MARK2: variants seen among roughly 807,000 people sequenced by gnomAD.
MARK2 encodes serine/threonine-protein kinase MARK2.
Under a neutral mutation model 89.8 loss-of-function variants are expected in MARK2, and 16 were observed. The observed-to-expected ratio is 0.18, with a 90% CI of 0.12 to 0.27. The LOEUF (loss-of-function observed/expected upper bound fraction) is 0.27, where lower values mean the gene tolerates loss of function less well. Ranked by LOEUF, MARK2 falls within the 10% of genes least tolerant of loss-of-function variation. MARK2 has a pLI of 1.00. For missense variants in MARK2, 621 were observed against 1,049.9 expected, an observed-to-expected ratio of 0.59 and a Z score of 5.65; for synonymous variants, 382 against 399.5, an observed-to-expected ratio of 0.96 and a Z score of 0.52.
chr11:63,850,608 A>G (rs1260108241), intron 1 of MARK2, among the ~76,000 whole-genome samples: 1 of 152,114 alleles, frequency 6.6e-6, no homozygotes, highest in Non-Finnish European at 1.5e-5. Context: ...AAAAAAAAAC[A>G]CCACCCACTG....
At chr11:63,851,697 G>T (rs983531855) in intron 1 of MARK2, among the ~76,000 whole-genome samples, 5 of 152,038 alleles carry the variant, frequency 3.3e-5, no homozygotes, top group African/African-American at 9.7e-5. Context: ...TAGAATCCCA[G>T]ACCACCTGGT....
In MARK2 at chr11:63,909,273, A is replaced by G. The variant is rs748690423; in HGVS notation, c.*36A>G. ...GGAGCGGGGGCGGCGGGGGCGGGCC[A>G]GCTGGACGGGCTGCCGGCCGCTGCG... On this transcript the variant is annotated 3_prime_UTR_variant, in exon 19 of 19. Transcript: ENST00000402010. 6.5e-7 allele frequency: 1 copy of G among 1,533,132 alleles called. No homozygotes were observed. The highest frequency in any genetic ancestry group is 2.0e-4 in the Middle Eastern group (1 of 5,092). 95.0% of individuals were successfully genotyped at this position (1,533,132 alleles called of 1,614,324 possible). A position where few individuals can be genotyped will look rare whatever the true frequency, so the allele number is the denominator to read the frequency against.
At chr11:63,884,584 C>T (rs915868058) in intron 1 of MARK2, among the ~76,000 whole-genome samples, 1 of 152,228 alleles carries the variant, frequency 6.6e-6, no homozygotes, top group African/African-American at 2.4e-5. Flanking sequence ...GAGGCTCTTA[C>T]CCTGGCTGGA....
At chr11:63,876,769 T>A (rs372112664) in intron 1 of MARK2, among the ~76,000 whole-genome samples, 1 of 152,230 alleles carries the variant, frequency 6.6e-6, no homozygotes, top group Non-Finnish European at 1.5e-5. Flanking sequence ...CAGACTTGGC[T>A]GCTTGCCTCC....
intron 1 of MARK2, among the ~76,000 whole-genome samples, chr11:63,862,174 C>G (rs1937842472): frequency 6.6e-6 from 1 of 152,074 alleles, no homozygotes; most frequent in Non-Finnish European, 1.5e-5. Context: ...ATCCACCCAT[C>G]TCAGCTTCCC....
intron 3 of MARK2, among the ~76,000 whole-genome samples, chr11:63,896,074 C>T (rs1019592963): frequency 1.3e-5 from 2 of 152,162 alleles, no homozygotes; most frequent in South Asian, 4.1e-4. Context: ...TTTCGCTCAC[C>T]GTCCCCCAAC....
chr11:63,886,515 C>G (rs564583016), intron 1 of MARK2, among the ~76,000 whole-genome samples: 1 of 152,116 alleles, frequency 6.6e-6, no homozygotes, highest in Non-Finnish European at 1.5e-5. Flanking sequence ...ACCTCCACCT[C>G]CCAGGCTCAA....
intron 1 of MARK2, among the ~76,000 whole-genome samples, chr11:63,843,070 G>A (rs542073416): frequency 6.6e-6 from 1 of 152,206 alleles, no homozygotes. Flanking sequence ...GATTCCAGAT[G>A]TGCTTTTTCA....
At chr11:63,866,438 G>A (rs1450082577) in intron 1 of MARK2, among the ~76,000 whole-genome samples, 2 of 151,674 alleles carry the variant, frequency 1.3e-5, no homozygotes, top group Admixed American at 1.3e-4. Context: ...ACAGCCGATA[G>A]GGCAGGCTGC....
At chr11:63,880,055 A>G (rs1296302965) in intron 1 of MARK2, 1 of 151,996 alleles carries the variant, frequency 6.6e-6, no homozygotes. Flanking sequence ...AGGAAACAAC[A>G]TTGGAAAGGG....
At chr11:63,879,920 T>C (rs1590615058) in intron 1 of MARK2, among the ~76,000 whole-genome samples, 1 of 152,260 alleles carries the variant, frequency 6.6e-6, no homozygotes, top group Non-Finnish European at 1.5e-5. Context: ...CAGAGAAAGA[T>C]GCAGCAGGAA....
At chr11:63,866,829 A>G (rs1042101014) in intron 1 of MARK2, among the ~76,000 whole-genome samples, 3 of 152,170 alleles carry the variant, frequency 2.0e-5, no homozygotes, top group African/African-American at 7.2e-5. Context: ...TCTTTTTCCT[A>G]ACAGAAGACT....
chr11:63,847,945 G>C (rs914541597), intron 1 of MARK2, among the ~76,000 whole-genome samples: 2 of 151,936 alleles, frequency 1.3e-5, no homozygotes, highest in African/African-American at 4.8e-5. Context: ...GCCTTTTTTC[G>C]TCCACGCAAT....
rs1939626513 is a variant in MARK2 at position 63,889,229 on chromosome 11, A to T, written c.55-5930A>T. The stretch of plus-strand genomic sequence containing the variant: ...GGGAGGCAGAGGCCTGAGGCCTCAG[A>T]GAGGATGCTCCCGTGCTACAGTGAG... On this transcript the variant is annotated intron_variant, in intron 1 of 18. Coordinates refer to ENST00000402010, the MANE Select transcript of MARK2 (RefSeq NM_001039469.3). Among the ~76,000 whole-genome samples, 3 of 152,150 alleles carry T rather than the reference A, an allele frequency of 2.0e-5. 1 individual carries two copies. The South Asian group carries it at 6.2e-4, about 32-fold the overall frequency.
At chr11:63,866,404 G>T (rs1409576014) in intron 1 of MARK2, among the ~76,000 whole-genome samples, 1 of 150,436 alleles carries the variant, frequency 6.6e-6, no homozygotes, top group East Asian at 1.9e-4. Context: ...TGCCTTTCTT[G>T]AAACCACAGA....
chr11:63,888,496 AGGGGGAGGGG>A, intron 1 of MARK2: 1 of 868,424 alleles, frequency 1.2e-6, no homozygotes, highest in Non-Finnish European at 1.3e-6. Context: ...GGAGGGGGGG[AGGGGGAGGGG>A]AGAAGGAAGT....
At chr11:63,862,836 A>G (rs1312773410) in intron 1 of MARK2, among the ~76,000 whole-genome samples, 3 of 149,528 alleles carry the variant, frequency 2.0e-5, no homozygotes, top group Non-Finnish European at 4.4e-5. Flanking sequence ...GGATTCTAGA[A>G]CTCTTTCTTT....
chr11:63,853,688 C>T (rs972331635), intron 1 of MARK2, among the ~76,000 whole-genome samples: 5 of 152,148 alleles, frequency 3.3e-5, no homozygotes, highest in African/African-American at 4.8e-5. Context: ...AAACTGCTGA[C>T]GCCGTAACAT....
At chr11:63,898,090 G>A in intron 3 of MARK2, 142 bp from the exon 4 acceptor site, 1 of 703,918 alleles carries the variant, frequency 1.4e-6, no homozygotes. Flanking sequence ...GGAAGGCCGT[G>A]CATGAGCTAG....
Sources: gnomAD v4.1 joint callset for allele counts (sites outside exome capture counted in the v4.1 genomes callset) on GRCh38, gnomAD v4.1.1 for gene constraint, MANE v1.5 for transcripts, NCBI Gene and HGNC (gene_info 2026-07-23, HGNC 2026-07-21) for gene names.